PTPRD: variants seen among roughly 807,000 people sequenced by gnomAD.
PTPRD encodes the protein protein tyrosine phosphatase receptor type D.
PTPRD carries 34 observed loss-of-function variants against 214.5 expected under a neutral mutation model. That is an observed-to-expected ratio of 0.16 (90% CI 0.12 to 0.21). The LOEUF (loss-of-function observed/expected upper bound fraction) is 0.21, where lower values mean the gene tolerates loss of function less well. PTPRD is among the 10% of genes least tolerant of loss of function. The pLI is 1.00. For missense variants in PTPRD, 2,545 were observed against 2,398.7 expected (o/e 1.06, Z -1.27); for synonymous variants, 1,128 against 845.7 (o/e 1.33, Z -5.79).
At chr9:8,933,386 C>T (rs1479660249) in intron 11 of PTPRD, among the ~76,000 whole-genome samples, 1 of 103,212 alleles carries the variant, frequency 9.7e-6, no homozygotes, top group Non-Finnish European at 1.8e-5. Flanking sequence ...TCTAGTATAA[C>T]ATACAGATAA....
chr9:8,709,319 C>T (rs2098276668), intron 12 of PTPRD, among the ~76,000 whole-genome samples: 1 of 151,728 alleles, frequency 6.6e-6, no homozygotes, highest in South Asian at 2.1e-4. Flanking sequence ...TCGAGACCAT[C>T]CTGGCTAACA....
intron 7 of PTPRD, among the ~76,000 whole-genome samples, chr9:9,671,883 G>A (rs888476266): frequency 2.0e-5 from 3 of 152,106 alleles, no homozygotes; most frequent in Non-Finnish European, 2.9e-5. Context: ...CTAATACAGG[G>A]GAAGACTTAC....
intron 14 of PTPRD, among the ~76,000 whole-genome samples, chr9:8,529,536 T>C (rs1457458128): frequency 4.6e-5 from 7 of 152,154 alleles, no homozygotes; most frequent in Admixed American, 2.0e-4. Context: ...AATTAAAAAG[T>C]TGAAATTCCT....
At chr9:10,315,233 T>C (rs1565235416) in intron 3 of PTPRD, among the ~76,000 whole-genome samples, 1 of 151,926 alleles carries the variant, frequency 6.6e-6, no homozygotes, top group Non-Finnish European at 1.5e-5. Flanking sequence ...CTAAAATGTT[T>C]GTTTTTAAAA....
intron 5 of PTPRD, among the ~76,000 whole-genome samples, chr9:9,772,807 A>G (rs964500313): frequency 6.6e-6 from 1 of 152,184 alleles, no homozygotes; most frequent in Non-Finnish European, 1.5e-5. Flanking sequence ...AAAGCAATTT[A>G]CAAGCTTGCA....
intron 5 of PTPRD, among the ~76,000 whole-genome samples, chr9:9,846,635 T>C (rs2059581947): frequency 6.6e-6 from 1 of 152,146 alleles, no homozygotes; most frequent in South Asian, 2.1e-4. Context: ...GGAGTTCTGG[T>C]TTTGTATTGT....
intron 36 of PTPRD, among the ~76,000 whole-genome samples, chr9:8,398,008 G>C (rs1276527987): frequency 6.6e-6 from 1 of 152,008 alleles, no homozygotes; most frequent in Non-Finnish European, 1.5e-5. Flanking sequence ...CATTTATCAA[G>C]CACCAGTGTT....
At chr9:9,358,419 A>G (rs1432580840) in intron 9 of PTPRD, among the ~76,000 whole-genome samples, 1 of 151,314 alleles carries the variant, frequency 6.6e-6, no homozygotes. Context: ...TGCTATGTAT[A>G]TCTATAATAC....
intron 11 of PTPRD, among the ~76,000 whole-genome samples, chr9:8,770,309 G>A (rs549108524): frequency 2.3e-4 from 35 of 149,180 alleles, no homozygotes; most frequent in South Asian, 2.1e-3. Flanking sequence ...TAGAAAGAAA[G>A]AAAGTACCTT....
intron 12 of PTPRD, among the ~76,000 whole-genome samples, chr9:8,661,424 A>C (rs2097049851): frequency 6.6e-6 from 1 of 152,076 alleles, no homozygotes; most frequent in South Asian, 2.1e-4. Flanking sequence ...TCAAGGCAGT[A>C]CTATGCCTGA....
At chr9:9,344,801 A>T (rs2048202880) in intron 9 of PTPRD, among the ~76,000 whole-genome samples, 1 of 152,048 alleles carries the variant, frequency 6.6e-6, no homozygotes, top group African/African-American at 2.4e-5. Context: ...AAAACTTCTA[A>T]TGAGAAAAGT....
intron 7 of PTPRD, among the ~76,000 whole-genome samples, chr9:9,696,739 T>C (rs2097382091): frequency 6.6e-6 from 1 of 152,120 alleles, no homozygotes; most frequent in South Asian, 2.1e-4. Flanking sequence ...AGTTGTGCCT[T>C]GTTTCTTTAT....
intron 8 of PTPRD, among the ~76,000 whole-genome samples, chr9:9,551,774 A>G (rs187349506): frequency 7.5e-4 from 114 of 152,118 alleles, no homozygotes; most frequent in African/African-American, 2.6e-3. Context: ...ACCAGATTGT[A>G]CCAGAGTAAG....
rs182573224 is a variant in PTPRD, at chr9:8,978,892, C to T, written c.-104+39805G>A. 2.0e-3 allele frequency among the ~76,000 whole-genome samples: 297 copies of T among 152,260 alleles called. 2 individuals carry two copies. The highest frequency in any genetic ancestry group is 6.9e-3 in the African/African-American group (286 of 41,582). On this transcript the variant is annotated intron_variant, in intron 11 of 45. Coordinates refer to ENST00000381196, the MANE Select transcript of PTPRD (RefSeq NM_002839.4). ...TAATGATTCCTGAAAACGTCTAACA[C>T]TTTGCAAGGCAATGCACATGTAGTT...
At chr9:8,952,970 G>T (rs1389533783) in intron 11 of PTPRD, among the ~76,000 whole-genome samples, 2 of 151,862 alleles carry the variant, frequency 1.3e-5, no homozygotes, top group African/African-American at 4.8e-5. Context: ...TATACCTACT[G>T]CAATAAAATG....
chr9:10,443,744 T>C (rs2098778048), intron 2 of PTPRD, among the ~76,000 whole-genome samples: 3 of 151,472 alleles, frequency 2.0e-5, no homozygotes, highest in African/African-American at 7.3e-5. Context: ...CCATTACCTG[T>C]TAACTACAAG....
rs1425102207 is a variant in PTPRD, at chr9:9,928,169, A to C, written c.-368+10338T>G. ...CTACAGTTGTTGGCAATATTAAATA[A>C]CTTTTGTTGCTGCATGATGTTAGCT... On this transcript the variant is annotated intron_variant, in intron 5 of 45. Coordinates refer to ENST00000381196, the MANE Select transcript of PTPRD (RefSeq NM_002839.4). Among the ~76,000 whole-genome samples the C allele has an allele frequency of 2.0e-5, 3 of 152,244 alleles. No homozygotes were observed. The East Asian group carries it at 5.8e-4, about 29-fold the overall frequency.
intron 11 of PTPRD, among the ~76,000 whole-genome samples, chr9:8,846,708 G>T (rs1000368883): frequency 1.3e-5 from 2 of 152,132 alleles, no homozygotes; most frequent in African/African-American, 2.4e-5. Context: ...ACTTTAGTAT[G>T]GCTCAAGTGT....
In PTPRD at chr9:9,934,108, C is replaced by T. The variant is rs190426116; in HGVS notation, c.-368+4399G>A. Among the ~76,000 whole-genome samples, 211 of 149,676 alleles carry T rather than the reference C, an allele frequency of 1.4e-3. 2 individuals carry two copies. Among genetic ancestry groups the T allele is most frequent in the African/African-American group, 4.7e-3 (186 of 39,426 alleles). The stretch of plus-strand genomic sequence containing the variant: ...GTAGAGGGAAATTTATAGCACTAAA[C>T]GCCCACAAGAGAAAGCAGGTAAGAT... On this transcript the variant is annotated intron_variant, in intron 5 of 45. Coordinates refer to ENST00000381196, the MANE Select transcript of PTPRD (RefSeq NM_002839.4).
Sources: gnomAD v4.1 joint callset for allele counts (sites outside exome capture counted in the v4.1 genomes callset) on GRCh38, gnomAD v4.1.1 for gene constraint, MANE v1.5 for transcripts, NCBI Gene and HGNC (gene_info 2026-07-23, HGNC 2026-07-21) for gene names.